NEGR1: variants seen among roughly 807,000 people sequenced by gnomAD.
The protein encoded by NEGR1 is neuronal growth regulator 1, also known as IgLON family member 4.
Under a neutral mutation model 40.9 loss-of-function variants are expected in NEGR1, and 10 were observed. That is an observed-to-expected ratio of 0.24 (90% CI 0.15 to 0.42). The LOEUF (loss-of-function observed/expected upper bound fraction) is 0.42, where lower values mean the gene tolerates loss of function less well. Ranked by LOEUF, NEGR1 falls within the 10% of genes least tolerant of loss-of-function variation. The pLI, the probability that NEGR1 is intolerant of heterozygous loss-of-function variation, is 1.00. For synonymous variants in NEGR1, 185 were observed against 166.8 expected (o/e 1.11, Z -0.84); for missense variants, 352 against 438.9 (o/e 0.80, Z 1.77).
rs572298726 is a variant in NEGR1 at position 72,192,228 on chromosome 1, G to A, written c.176+90091C>T. On this transcript the variant is annotated intron_variant, in intron 1 of 6. Coordinates refer to ENST00000357731, the MANE Select transcript of NEGR1 (RefSeq NM_173808.3). ...AGGGCACTTGTCCTCAGTCATGTGC[G>A]ACAAGATGTATTAGCCATGAATGAA... Among the ~76,000 whole-genome samples the A allele has an allele frequency of 2.5e-4, 38 of 151,836 alleles. No individual in the cohort carries two copies. The East Asian group carries it at 2.5e-3, about 10-fold the overall frequency.
At chr1:72,107,613 A>G (rs1276174597) in intron 1 of NEGR1, among the ~76,000 whole-genome samples, 1 of 151,490 alleles carries the variant, frequency 6.6e-6, no homozygotes, top group Non-Finnish European at 1.5e-5. Context: ...AAACTCTAAA[A>G]CGAATCTTTC....
chr1:71,613,222 A>G (rs138800789), intron 4 of NEGR1, among the ~76,000 whole-genome samples: 1 of 152,260 alleles, frequency 6.6e-6, no homozygotes, highest in East Asian at 1.9e-4. Flanking sequence ...GTCTACTCTG[A>G]AATTGGAGCT....
chr1:71,804,553 A>T (rs1404956028), intron 2 of NEGR1, among the ~76,000 whole-genome samples: 2 of 152,254 alleles, frequency 1.3e-5, no homozygotes, highest in Non-Finnish European at 2.9e-5. Context: ...AGTTCCCCAA[A>T]TTAATACTTT....
At chr1:71,654,111 T>C (rs1169953830) in intron 4 of NEGR1, among the ~76,000 whole-genome samples, 1 of 152,178 alleles carries the variant, frequency 6.6e-6, no homozygotes, top group Non-Finnish European at 1.5e-5. Flanking sequence ...CATACTGTTA[T>C]GATTCAAATT....
chr1:72,268,418 G>A (rs1174299902), intron 1 of NEGR1, among the ~76,000 whole-genome samples: 1 of 151,416 alleles, frequency 6.6e-6, no homozygotes, highest in African/African-American at 2.4e-5. Context: ...TAGTGAAGCA[G>A]AAATCCGCAC....
chr1:71,795,893 T>C (rs1198639158), intron 2 of NEGR1, among the ~76,000 whole-genome samples: 2 of 152,182 alleles, frequency 1.3e-5, no homozygotes, highest in Admixed American at 1.3e-4. Flanking sequence ...TAAAATATAC[T>C]GTGAAATACA....
intron 1 of NEGR1, among the ~76,000 whole-genome samples, chr1:72,015,715 G>A (rs1029536881): frequency 2.6e-5 from 4 of 152,026 alleles, no homozygotes; most frequent in African/African-American, 9.7e-5. Flanking sequence ...TAGGTATTTT[G>A]CTAGTTGTTG....
intron 2 of NEGR1, among the ~76,000 whole-genome samples, chr1:71,931,432 A>C (rs79999632): frequency 0.023 from 3,499 of 152,212 alleles, 125 homozygotes; most frequent in African/African-American, 0.079. Flanking sequence ...CAGATCGGGT[A>C]ATTTATAATG....
At chr1:71,963,373 A>G (rs1202060197) in intron 1 of NEGR1, among the ~76,000 whole-genome samples, 1 of 152,164 alleles carries the variant, frequency 6.6e-6, no homozygotes, top group East Asian at 1.9e-4. Flanking sequence ...TAATACAGAG[A>G]ACTGTTACTA....
At chr1:72,130,744 G>C (rs992687637) in intron 1 of NEGR1, among the ~76,000 whole-genome samples, 3 of 152,000 alleles carry the variant, frequency 2.0e-5, no homozygotes, top group Non-Finnish European at 4.4e-5. Flanking sequence ...CTCAGCCAAC[G>C]CAAAATATCC....
intron 3 of NEGR1, among the ~76,000 whole-genome samples, chr1:71,762,587 C>A (rs1430236116): frequency 6.6e-6 from 1 of 152,090 alleles, no homozygotes; most frequent in Non-Finnish European, 1.5e-5. Flanking sequence ...GTGATGCATT[C>A]ATATCATGAG....
chr1:71,473,404 CT>C (rs763613359), intron 6 of NEGR1, among the ~76,000 whole-genome samples: 3 of 152,012 alleles, frequency 2.0e-5, no homozygotes, highest in African/African-American at 4.8e-5. Context: ...CTTCAAAGTA[CT>C]GAGGGAAAAA....
chr1:71,999,606 T>C (rs1646536322), intron 1 of NEGR1, among the ~76,000 whole-genome samples: 3 of 140,002 alleles, frequency 2.1e-5, no homozygotes, highest in African/African-American at 7.9e-5. Flanking sequence ...CCAAAATTCT[T>C]ATGTATTTGC....
intron 1 of NEGR1, among the ~76,000 whole-genome samples, chr1:72,237,038 G>A (rs994494027): frequency 1.3e-5 from 2 of 151,512 alleles, no homozygotes; most frequent in African/African-American, 2.4e-5. Context: ...CTTAATTATC[G>A]GAATTTTATT....
intron 3 of NEGR1, among the ~76,000 whole-genome samples, chr1:71,749,802 G>A (rs1233432319): frequency 6.6e-6 from 1 of 152,124 alleles, no homozygotes; most frequent in Admixed American, 6.5e-5. Flanking sequence ...TTTTAAAGCT[G>A]TATTATTTTG....
intron 1 of NEGR1, among the ~76,000 whole-genome samples, chr1:72,220,349 G>T (rs1175790209): frequency 6.6e-6 from 1 of 151,864 alleles, no homozygotes; most frequent in Non-Finnish European, 1.5e-5. Flanking sequence ...AAGTTTTACT[G>T]AAGAATCAGA....
chr1:72,216,899 C>T (rs1653841026), intron 1 of NEGR1, among the ~76,000 whole-genome samples: 1 of 151,094 alleles, frequency 6.6e-6, no homozygotes, highest in Admixed American at 6.6e-5. Context: ...ACCAGACTTT[C>T]CTTTAGATAG....
rs1646260546 is a variant in NEGR1 at position 71,403,894 on chromosome 1, T to G, written c.*3552A>C. 2.6e-6 allele frequency: 1 copy of G among 381,582 alleles called. No individual in the cohort carries two copies. The allele number at this position is 381,582 out of a possible 1,614,324, so 23.6% of individuals were successfully genotyped here. On this transcript the variant is annotated 3_prime_UTR_variant, in exon 7 of 7. Transcript: ENST00000357731. ...AAAGAATCTTAAGGCATACCATTTA[T>G]TCATATTCATATCTATTGAAATACT...
chr1:72,225,333 G>C (rs1654156918), intron 1 of NEGR1, among the ~76,000 whole-genome samples: 1 of 151,808 alleles, frequency 6.6e-6, no homozygotes. Flanking sequence ...AATGAGGTAA[G>C]ATCATGGTAT....
Sources: allele counts gnomAD v4.1 joint callset (sites outside exome capture counted in the v4.1 genomes callset), GRCh38; gene constraint gnomAD v4.1.1; transcripts MANE v1.5; gene names NCBI Gene and HGNC (gene_info 2026-07-23, HGNC 2026-07-21).